LCLAT1: variants seen among roughly 807,000 people sequenced by gnomAD.
LCLAT1 encodes the protein 1-AGP acyltransferase 8.
Under a neutral mutation model 30.7 loss-of-function variants are expected in LCLAT1, and 11 were observed. The ratio of observed to expected loss-of-function variants is 0.36; its 90% CI spans 0.23 to 0.59. LCLAT1 has a LOEUF of 0.59. LCLAT1 is among the 20% of genes least tolerant of loss of function. LCLAT1 has a pLI of 0.77. For missense variants in LCLAT1, 402 were observed against 458.6 expected (o/e 0.88, Z 1.13); for synonymous variants, 155 against 151.3 (o/e 1.02, Z -0.18).
intron 5 of LCLAT1, among the ~76,000 whole-genome samples, chr2:30,583,566 T>G (rs1046788639): frequency 2.6e-5 from 4 of 152,198 alleles, no homozygotes; most frequent in African/African-American, 9.7e-5. Context: ...TACTCTCACC[T>G]TGGGGAAGGG....
chr2:30,628,011 A>G (rs1313693107), intron 5 of LCLAT1, among the ~76,000 whole-genome samples: 2 of 152,200 alleles, frequency 1.3e-5, no homozygotes, highest in Admixed American at 6.5e-5. Flanking sequence ...GCTGCAATCT[A>G]TAAGGTCAAA....
intron 1 of LCLAT1, among the ~76,000 whole-genome samples, chr2:30,462,163 A>G (rs1434177309): frequency 1.3e-5 from 2 of 152,212 alleles, no homozygotes; most frequent in East Asian, 3.9e-4. Flanking sequence ...GCAGGCAGCC[A>G]TTCAAGGCCC....
In LCLAT1 at chr2:30,507,956, T is replaced by A. The variant is rs554836557; in HGVS notation, c.-4-17631T>A. On this transcript the variant is annotated intron_variant, in intron 1 of 5. Coordinates refer to ENST00000379509, the MANE Select transcript of LCLAT1 (RefSeq NM_001002257.3). ...TTCTCTGCAACCTCGTCAGCACCTG[T>A]TATTTTTTCTTTTTAGTAATAGCCA... 1.3e-5 allele frequency among the ~76,000 whole-genome samples: 2 copies of A among 152,312 alleles called. 1 individual carries two copies. The highest frequency in any genetic ancestry group is 4.1e-4 in the South Asian group (2 of 4,826).
intron 3 of LCLAT1, among the ~76,000 whole-genome samples, chr2:30,555,622 T>A (rs908501942): frequency 2.0e-5 from 3 of 152,128 alleles, no homozygotes; most frequent in Non-Finnish European, 4.4e-5. Flanking sequence ...AAATGTAAAC[T>A]AAACTCTTTA....
chr2:30,501,614 G>A (rs1684394903), intron 1 of LCLAT1, among the ~76,000 whole-genome samples: 2 of 152,048 alleles, frequency 1.3e-5, no homozygotes, highest in African/African-American at 2.4e-5. Flanking sequence ...GGTGGAGGTT[G>A]CAGTGAGCCG....
chr2:30,474,455 C>T (rs976585573), intron 1 of LCLAT1, among the ~76,000 whole-genome samples: 16 of 152,098 alleles, frequency 1.1e-4, no homozygotes, highest in Admixed American at 1.0e-3. Flanking sequence ...CAGGGACTTG[C>T]TATGTTGCCC....
chr2:30,626,727 C>G (rs1217657071), intron 5 of LCLAT1, among the ~76,000 whole-genome samples: 2 of 151,262 alleles, frequency 1.3e-5, no homozygotes, highest in East Asian at 3.9e-4. Context: ...TGAGTAGTTT[C>G]TCTTTTTCAG....
intron 5 of LCLAT1, among the ~76,000 whole-genome samples, chr2:30,611,096 T>TC (rs1558555003): frequency 6.6e-5 from 10 of 151,970 alleles, no homozygotes; most frequent in Non-Finnish European, 2.9e-5. Context: ...TTTTTTTTTT[T>TC]TCCTATCAGT....
intron 1 of LCLAT1, among the ~76,000 whole-genome samples, chr2:30,453,959 G>A (rs907276620): frequency 6.6e-6 from 1 of 152,162 alleles, no homozygotes; most frequent in Non-Finnish European, 1.5e-5. Context: ...AAGAAGGTAC[G>A]GGGCATGGAT....
intron 1 of LCLAT1, among the ~76,000 whole-genome samples, chr2:30,477,099 A>G (rs1683081662): frequency 6.6e-6 from 1 of 152,162 alleles, no homozygotes; most frequent in Non-Finnish European, 1.5e-5. Context: ...TAGTGAATCA[A>G]CGCTTGTTCC....
chr2:30,471,696 G>A lies in LCLAT1; in HGVS notation c.-5+24313G>A, dbSNP rs377562096. On this transcript the variant is annotated intron_variant, in intron 1 of 5. Coordinates refer to ENST00000379509, the MANE Select transcript of LCLAT1 (RefSeq NM_001002257.3). The stretch of plus-strand genomic sequence containing the variant: ...TCCTTTCGGTTTGTTTATTACTGGT[G>A]CGTAGAAACATAGTTGGTTTTTGTG... Among the ~76,000 whole-genome samples the A allele has an allele frequency of 5.3e-5, 8 of 152,200 alleles. No individual in the cohort carries two copies. The East Asian group carries it at 1.2e-3, about 22-fold the overall frequency.
chr2:30,476,487 C>G (rs1219106818), intron 1 of LCLAT1: 1 of 456,492 alleles, frequency 2.2e-6, no homozygotes, highest in Non-Finnish European at 4.4e-6. Flanking sequence ...AACGCAGGCC[C>G]TATAACTGTG....
At chr2:30,495,013 C>A (rs1425851901) in intron 1 of LCLAT1, among the ~76,000 whole-genome samples, 2 of 150,684 alleles carry the variant, frequency 1.3e-5, no homozygotes, top group Non-Finnish European at 2.9e-5. Flanking sequence ...GAATCTTTGC[C>A]AGTCCCAGAG....
chr2:30,556,906 G>A (rs999503681), intron 3 of LCLAT1, among the ~76,000 whole-genome samples: 5 of 151,918 alleles, frequency 3.3e-5, no homozygotes, highest in East Asian at 1.9e-4. Flanking sequence ...CACCACGCCC[G>A]GCTAATTTTG....
At chr2:30,466,325 C>G (rs1454726124) in intron 1 of LCLAT1, among the ~76,000 whole-genome samples, 1 of 151,238 alleles carries the variant, frequency 6.6e-6, no homozygotes, top group Non-Finnish European at 1.5e-5. Context: ...AGCTCCTAGA[C>G]TCAAGTGATC....
intron 4 of LCLAT1, among the ~76,000 whole-genome samples, chr2:30,566,925 G>A (rs1347195070): frequency 2.6e-5 from 4 of 152,182 alleles, no homozygotes; most frequent in Admixed American, 2.0e-4. Flanking sequence ...TGTACATGAT[G>A]TGCTAATCAT....
At chr2:30,482,031 A>G (rs893307397) in intron 1 of LCLAT1, among the ~76,000 whole-genome samples, 1 of 152,234 alleles carries the variant, frequency 6.6e-6, no homozygotes, top group Non-Finnish European at 1.5e-5. Context: ...CTAGAGAACT[A>G]GTATTATAAA....
At chr2:30,539,111 C>T (rs1162839308) in intron 3 of LCLAT1, among the ~76,000 whole-genome samples, 2 of 152,016 alleles carry the variant, frequency 1.3e-5, no homozygotes, top group Non-Finnish European at 2.9e-5. Flanking sequence ...AGGCGCACGC[C>T]ACCACGCCCA....
chr2:30,578,901 A>C (rs1418487602), intron 5 of LCLAT1, among the ~76,000 whole-genome samples: 1 of 152,220 alleles, frequency 6.6e-6, no homozygotes, highest in Admixed American at 6.5e-5. Context: ...TGTTAAATCC[A>C]AATGAAGTTA....
Sources: allele counts gnomAD v4.1 joint callset (sites outside exome capture counted in the v4.1 genomes callset), GRCh38; gene constraint gnomAD v4.1.1; transcripts MANE v1.5; gene names NCBI Gene and HGNC (gene_info 2026-07-23, HGNC 2026-07-21).